The following EPHA10 variants were observed in gnomAD, a reference collection of about 807,000 sequenced individuals.
The protein encoded by EPHA10 is ephrin type-A receptor 10.
A neutral mutation model predicts 109.7 loss-of-function variants in EPHA10; 120 were observed. That is an observed-to-expected ratio of 1.09 (90% CI 0.94 to 1.27). The LOEUF (loss-of-function observed/expected upper bound fraction) is 1.27, where lower values mean the gene tolerates loss of function less well. EPHA10 is among the 50% of genes most tolerant of loss of function. The pLI is 0.00. For missense variants in EPHA10, 1,396 were observed against 1,411.1 expected (o/e 0.99, Z 0.17); for synonymous variants, 640 against 618.9 (o/e 1.03, Z -0.51).
chr1:37,719,915 G>C lies in EPHA10; in HGVS notation c.2556C>G (p.Gly852=). The C allele has an allele frequency of 6.2e-7, 1 of 1,613,972 alleles. No individual in the cohort carries two copies. The highest frequency in any genetic ancestry group is 8.5e-7 in the Non-Finnish European group (1 of 1,180,026). The change falls in exon 14 of 17, where the codon GGC becomes GGG. Residue 852 remains glycine (G), a synonymous_variant. Coordinates refer to ENST00000373048, the MANE Select transcript of EPHA10 (RefSeq NM_001099439.2). The stretch of plus-strand genomic sequence containing the variant: ...GGAGCCACGGGTTACTCACGTCTTG[G>C]CCAGACATGTCCCAGTAAGGCCGCT... ...FGERPYWDMS[G]QDVIKAVEDG... is the part of the protein sequence containing the mutation.
rs1158434993 is a variant in EPHA10 at position 37,718,037 on chromosome 1, G to A, written c.*335C>T. The A allele has an allele frequency of 8.4e-6, 3 of 356,962 alleles. No homozygotes were observed. Among genetic ancestry groups the A allele is most frequent in the Non-Finnish European group, 1.5e-5 (3 of 196,370 alleles). The allele number at this position is 356,962 out of a possible 1,614,324, so 22.1% of individuals were successfully genotyped here. On this transcript the variant is annotated 3_prime_UTR_variant, in exon 17 of 17. Coordinates refer to ENST00000373048, the MANE Select transcript of EPHA10 (RefSeq NM_001099439.2). Reference sequence around the variant, plus strand: ...GTGGGTACAAATGGCAGTAGGGCATGAGCCAGGGCAATCTCAACCCACTGT... The same window carrying A: ...GTGGGTACAAATGGCAGTAGGGCATAAGCCAGGGCAATCTCAACCCACTGT...
chr1:37,755,505 C>T (rs1646386671), intron 3 of EPHA10, among the ~76,000 whole-genome samples: 1 of 152,130 alleles, frequency 6.6e-6, no homozygotes, highest in Non-Finnish European at 1.5e-5. Context: ...ACTCAGTTTG[C>T]TTCTCTCACT....
chr1:37,720,786 G>C lies in EPHA10; in HGVS notation c.2205C>G (p.Leu735=), dbSNP rs1369791807. 8 of 1,613,976 alleles carry C rather than the reference G, an allele frequency of 5.0e-6. No individual in the cohort carries two copies. The Admixed American group carries it at 8.3e-5, about 17-fold the overall frequency. ...YMSHGALDGF[L]RRHEGQLVAG... ...TGGCAGCCCCAGGGCCACTCACCCT[G>C]AGGAAGCCGTCCAGGGCCCCATGGC... The change falls in exon 12 of 17, where the codon CTC becomes CTG. Residue 735 remains leucine, a synonymous_variant. Coordinates refer to ENST00000373048, the MANE Select transcript of EPHA10 (RefSeq NM_001099439.2).
intron 6 of EPHA10, among the ~76,000 whole-genome samples, chr1:37,734,401 G>A (rs571286443): frequency 6.6e-6 from 1 of 152,218 alleles, no homozygotes; most frequent in South Asian, 2.1e-4. Context: ...GTGTGTAGTT[G>A]TGCATGCCTG....
In EPHA10 at chr1:37,727,208, C is replaced by A. The variant is rs1645907892; in HGVS notation, c.1666G>T (p.Ala556Ser). 1 of 1,596,956 alleles carries A rather than the reference C, an allele frequency of 6.3e-7. No individual in the cohort carries two copies. Among genetic ancestry groups the A allele is most frequent in the African/African-American group, 1.3e-5 (1 of 74,180 alleles). Residue 556 changes from alanine to serine, a missense_variant and splice_region_variant, in exon 8 of 17, where the codon GCC becomes TCC. Physicochemically the swap from Ala to Ser is moderately conservative, Grantham distance 99. Coordinates refer to ENST00000373048, the MANE Select transcript of EPHA10 (RefSeq NM_001099439.2). ...GGGCTCTGGTCCCTGGACCCTGAGG[C>A]AGCTGGGAGGAAAATCACGAGGTTG... Reference protein sequence around the residue: ...SIEVQTLGEAASGSRDQSPAI... With the variant: ...SIEVQTLGEASSGSRDQSPAI...
At chr1:37,748,451 T>C (rs1015373488) in intron 5 of EPHA10, among the ~76,000 whole-genome samples, 2 of 152,216 alleles carry the variant, frequency 1.3e-5, no homozygotes, top group African/African-American at 4.8e-5. Flanking sequence ...TCAAAGAATA[T>C]GTAAATGTGT....
chr1:37,763,566 T>C (rs903080403), intron 1 of EPHA10, among the ~76,000 whole-genome samples: 3 of 152,058 alleles, frequency 2.0e-5, no homozygotes, highest in Non-Finnish European at 2.9e-5. Flanking sequence ...ACAGGGTCCA[T>C]GGCAAATACT....
intron 7 of EPHA10, among the ~76,000 whole-genome samples, chr1:37,731,183 G>A (rs1645975713): frequency 6.6e-6 from 1 of 152,166 alleles, no homozygotes; most frequent in Non-Finnish European, 1.5e-5. Flanking sequence ...TCTCCTGTGA[G>A]CTCCTCCAGG....
intron 5 of EPHA10, among the ~76,000 whole-genome samples, chr1:37,750,526 AAGAGATATATTTG>A (rs1178621237): frequency 6.6e-6 from 1 of 152,162 alleles, no homozygotes; most frequent in African/African-American, 2.4e-5. Context: ...AGATATTTTT[AAGAGATATATTTG>A]AGCTATCAGA....
rs1646052697 is a variant in EPHA10, at chr1:37,735,381, T to A, written c.1367A>T (p.Glu456Val). ...TVSTGPGAPW[E>V]EDEIRRDRVE... ...TCGGTCCCTGCGGATCTCATCCTCC[T>A]CCCAGGGCGCTGAAAGTAAGTTACG... Residue 456 changes from glutamate to valine, a missense_variant, in exon 6 of 17, where the codon GAG becomes GTG. Transcript: ENST00000373048. 2 of 1,581,178 alleles carry A rather than the reference T, an allele frequency of 1.3e-6. No individual in the cohort carries two copies. The highest frequency in any genetic ancestry group is 4.6e-5 in the East Asian group (2 of 43,528).
rs781309020 is a variant in EPHA10, at chr1:37,731,579, G to C, written c.1495C>G (p.Gln499Glu). The C allele has an allele frequency of 3.1e-6, 5 of 1,607,386 alleles. No homozygotes were observed. The highest frequency in any genetic ancestry group is 8.5e-7 in the Non-Finnish European group (1 of 1,176,456). ...EYEIRYYEKG[Q>E]SEQTYSMVKT... Reference sequence around the variant, plus strand: ...ACCATGGAGTAAGTCTGCTCACTCTGACCCTGGAGAGAGATCAAGAAGTGA... The same window carrying C: ...ACCATGGAGTAAGTCTGCTCACTCTCACCCTGGAGAGAGATCAAGAAGTGA... Residue 499 changes from glutamine to glutamate, a missense_variant, in exon 7 of 17, where the codon CAG becomes GAG. By Grantham distance (29) the Gln-to-Glu change is conservative. Transcript: ENST00000373048.
Position 37,754,729 on chromosome 1 carries a change from T to TACGTCTATTAATTCATTGAATCCTC in EPHA10, c.851-384_851-360dup, listed in dbSNP as rs1646379057. On this transcript the variant is annotated intron_variant, in intron 3 of 16. Transcript: ENST00000373048. This position sits in a 1 kb window ranked among gnomAD's most constrained non-coding sequence, Gnocchi z 4.5. The stretch of plus-strand genomic sequence containing the variant: ...CGTCTCTATTTATTATTTTTTAAAT[T>TACGTCTATTAATTCATTGAATCCTC]ACGTCTATTAATTCATTGAATCCTC... Among the ~76,000 whole-genome samples the TACGTCTATTAATTCATTGAATCCTC allele has an allele frequency of 6.6e-6, 1 of 152,218 alleles. No individual in the cohort carries two copies. The highest frequency in any genetic ancestry group is 1.5e-5 in the Non-Finnish European group (1 of 68,050).
At chr1:37,763,833 T>C (rs916979450) in intron 1 of EPHA10, among the ~76,000 whole-genome samples, 2 of 152,202 alleles carry the variant, frequency 1.3e-5, no homozygotes, top group Admixed American at 6.5e-5. Context: ...TGTGGAGAGA[T>C]ACTGCTAACA....
Position 37,765,102 on chromosome 1 carries a change from CA to C in EPHA10, c.-37del. 3.9e-6 allele frequency: 6 copies of C among 1,543,682 alleles called. No individual in the cohort carries two copies. Among genetic ancestry groups the C allele is most frequent in the Non-Finnish European group, 4.4e-6 (5 of 1,145,228 alleles). ...CCGAGCTGTCAGTCCGGCGGCGGCT[CA>C]AGCCGCGCCAGCCTAGCACCGCTGA... On this transcript the variant is annotated 5_prime_UTR_variant, in exon 1 of 17. Coordinates refer to ENST00000373048, the MANE Select transcript of EPHA10 (RefSeq NM_001099439.2).
In EPHA10 at chr1:37,764,824, G is replaced by A. The variant is rs1183852330; in HGVS notation, c.106+137C>T. Reference sequence around the variant, plus strand: ...GATCACATTTTTCTCTGTCTCTCCAGTTCTTTGCTGCCTGCTTGCTTCAAG... The same window carrying A: ...GATCACATTTTTCTCTGTCTCTCCAATTCTTTGCTGCCTGCTTGCTTCAAG... On this transcript the variant is annotated intron_variant, in intron 1 of 16. Transcript: ENST00000373048. This position sits in a 1 kb window ranked among gnomAD's most constrained non-coding sequence, Gnocchi z 5.8. The A allele has an allele frequency of 3.5e-5, 24 of 693,464 alleles. No homozygotes were observed. The highest frequency in any genetic ancestry group is 5.6e-5 in the Non-Finnish European group (24 of 431,224). 43.0% of individuals were successfully genotyped at this position (693,464 alleles called of 1,614,324 possible). A position where few individuals can be genotyped will look rare whatever the true frequency, so the allele number is the denominator to read the frequency against.
At chr1:37,736,070 C>T (rs1646064709) in intron 5 of EPHA10, among the ~76,000 whole-genome samples, 1 of 152,246 alleles carries the variant, frequency 6.6e-6, no homozygotes, top group African/African-American at 2.4e-5. Context: ...TCTCTGTTTA[C>T]AGATGACATG....
chr1:37,753,103 C>A lies in EPHA10; in HGVS notation c.1130G>T (p.Cys377Phe). Residue 377 changes from cysteine (C) to phenylalanine (F), a missense_variant, in exon 5 of 17, where the codon TGC becomes TTC. Physicochemically the swap from Cys to Phe is radical, Grantham distance 205. Transcript: ENST00000373048. ...CGGGCCCTCGCGGCCGCAGCGCAGG[C>A]ACAGCAGCGAGTAGGTGACGTCCGA... Reference protein sequence around the residue: ...GRSDVTYSLLCLRCGREGPAG... With the variant: ...GRSDVTYSLLFLRCGREGPAG... The A allele has an allele frequency of 7.2e-7, 1 of 1,382,018 alleles. No homozygotes were observed. The allele number at this position is 1,382,018 out of a possible 1,614,324, so 85.6% of individuals were successfully genotyped here. A position where few individuals can be genotyped will look rare whatever the true frequency, so the allele number is the denominator to read the frequency against.
In EPHA10 at chr1:37,721,673, G is replaced by A. The variant is rs761763313; in HGVS notation, c.2133C>T (p.Gly711=). The A allele has an allele frequency of 1.9e-5, 31 of 1,605,454 alleles. No homozygotes were observed. Among genetic ancestry groups the A allele is most frequent in the East Asian group, 4.5e-5 (2 of 44,620 alleles). ...ACCGGGCCCTACCTCGGGTAACAAC[G>A]CCCTCCAGCCGCACGATGTGGCTAT... ...FDHSHIVRLE[G]VVTRGSTLMI... is the part of the protein sequence containing the mutation. Residue 711 remains glycine, a synonymous_variant, in exon 11 of 17, where the codon GGC becomes GGT. Transcript: ENST00000373048.
intron 5 of EPHA10, among the ~76,000 whole-genome samples, chr1:37,742,711 C>G (rs761504865): frequency 2.9e-5 from 2 of 68,528 alleles, no homozygotes; most frequent in Admixed American, 1.8e-4. Flanking sequence ...TAGGGCCCAG[C>G]ACTGTGGCTC....
Sources: gnomAD v4.1 joint callset for allele counts (sites outside exome capture counted in the v4.1 genomes callset) on GRCh38, gnomAD v4.1.1 for gene constraint, Gnocchi (gnomAD v3.1) non-coding constraint, MANE v1.5 for transcripts, NCBI Gene and HGNC (gene_info 2026-07-23, HGNC 2026-07-21) for gene names.